GCNT1: variants seen among roughly 807,000 people sequenced by gnomAD.
GCNT1 encodes glucosaminyl (N-acetyl) transferase 1.
In GCNT1, 16 loss-of-function variants were observed where a neutral mutation model predicts 26.2. The observed-to-expected ratio is 0.61, with a 90% CI of 0.41 to 0.93. The LOEUF is 0.93. Ranked by LOEUF, GCNT1 falls within the 40% of genes least tolerant of loss-of-function variation. The probability of loss-of-function intolerance (pLI) is 0.00; values close to 1 mark genes in which losing one functional copy is unlikely to be tolerated. For missense variants in GCNT1, 477 were observed against 526.7 expected (o/e 0.91, Z 0.92); for synonymous variants, 183 against 190.8 (o/e 0.96, Z 0.34).
At chr9:76,491,934 C>A (rs545831321) in intron 2 of GCNT1, among the ~76,000 whole-genome samples, 2 of 152,296 alleles carry the variant, frequency 1.3e-5, no homozygotes, top group African/African-American at 4.8e-5. Context: ...CATGAGTAGT[C>A]CAGACAGTGA....
upstream of GCNT1, among the ~76,000 whole-genome samples, chr9:76,418,844 G>T (rs1168389954): frequency 6.6e-6 from 1 of 152,166 alleles, no homozygotes; most frequent in South Asian, 2.1e-4. Flanking sequence ...AATTCATCCA[G>T]GTGTGGTTAC....
chr9:76,498,790 A>G (rs796976526), intron 2 of GCNT1, among the ~76,000 whole-genome samples: 9,105 of 150,678 alleles, frequency 0.06, 942 homozygotes, highest in African/African-American at 0.21. Context: ...AAAAAAAAAA[A>G]GAAAAAAAGT....
chr9:76,504,530 A>C lies in GCNT1; in HGVS notation c.*862A>C. 2 of 386,418 alleles carry C rather than the reference A, an allele frequency of 5.2e-6. No homozygotes were observed. The highest frequency in any genetic ancestry group is 9.5e-6 in the Non-Finnish European group (2 of 209,498). 23.9% of individuals were successfully genotyped at this position (386,418 alleles called of 1,614,324 possible). ...CCTAAATTATTGTCTCTGCTATCTGACTGCCAGTAATTAGTGCAGAAAACT... is the reference window on the plus strand; with the variant it reads ...CCTAAATTATTGTCTCTGCTATCTGCCTGCCAGTAATTAGTGCAGAAAACT... On this transcript the variant is annotated 3_prime_UTR_variant, in exon 4 of 4. Transcript: ENST00000376730.
chr9:76,480,621 G>GGA (rs1303027871), intron 2 of GCNT1, among the ~76,000 whole-genome samples: 3 of 152,088 alleles, frequency 2.0e-5, no homozygotes, highest in African/African-American at 7.2e-5. Context: ...TGTGCCTTTG[G>GGA]GAGAGAGAGC....
chr9:76,431,485 A>G (rs1302506296), intron 1 of GCNT1, among the ~76,000 whole-genome samples: 1 of 152,136 alleles, frequency 6.6e-6, no homozygotes, highest in Non-Finnish European at 1.5e-5. Flanking sequence ...GAGAACACAG[A>G]GCTTTCTTGC....
At chr9:76,413,997 C>T in the GCNT1 span, among the ~76,000 whole-genome samples, 2,548 of 152,208 alleles carry the variant, frequency 0.017, 69 homozygotes, top group African/African-American at 0.057. Context: ...CTAATAAGCC[C>T]ATCAAAGGCA....
chr9:76,495,835 G>A (rs1824893627), intron 2 of GCNT1, among the ~76,000 whole-genome samples: 1 of 152,106 alleles, frequency 6.6e-6, no homozygotes. Context: ...AAAATATATT[G>A]TGCCTCATTA....
At position 76,505,319 on chromosome 9, in the gene GCNT1, G is replaced by A. The variant is rs1428143134; in HGVS notation, c.*1651G>A. 5.7e-6 allele frequency: 1 copy of A among 175,740 alleles called. No homozygotes were observed. The highest frequency in any genetic ancestry group is 1.3e-5 in the Non-Finnish European group (1 of 74,136). 10.9% of individuals were successfully genotyped at this position (175,740 alleles called of 1,614,324 possible). ...TTTATCATCATTTGTAAATGTGGAA[G>A]TTGGTGGATTGCTGTGTTTTTGCAT... On this transcript the variant is annotated 3_prime_UTR_variant, in exon 4 of 4. Coordinates refer to ENST00000376730, the MANE Select transcript of GCNT1 (RefSeq NM_001490.5).
chr9:76,439,223 CTTTTTTTTTTT>C (rs71499153), upstream of GCNT1, among the ~76,000 whole-genome samples: 3 of 120,128 alleles, frequency 2.5e-5, no homozygotes, highest in Non-Finnish European at 3.5e-5. Flanking sequence ...TTTTCTTTTT[CTTTTTTTTTTT>C]TTTTTTTTTT....
At chr9:76,479,168 C>T (rs1430749001) in intron 2 of GCNT1, among the ~76,000 whole-genome samples, 1 of 152,158 alleles carries the variant, frequency 6.6e-6, no homozygotes, top group Non-Finnish European at 1.5e-5. Flanking sequence ...TCATCCATGT[C>T]CCTACAAAGG....
Position 76,428,292 on chromosome 9 carries a change from T to TAAAAAAAAAAAAAAAA in GCNT1, n.38+8416_38+8417insAAAAAAAAAAAAAAAA, listed in dbSNP as rs1279001629. ...AAAAAAAAAAAAAAAAAAAAAAACT[T>TAAAAAAAAAAAAAAAA]AAAAAAAAAAAGAGAGAGAGAAATG... is the stretch of plus-strand genomic sequence containing the variant. On this transcript the variant is annotated intron_variant and non_coding_transcript_variant, in intron 1 of 3. Transcript: ENST00000488136. Among the ~76,000 whole-genome samples, 221 of 85,876 alleles carry TAAAAAAAAAAAAAAAA rather than the reference T, an allele frequency of 2.6e-3. 10 individuals are homozygous for TAAAAAAAAAAAAAAAA. The highest frequency in any genetic ancestry group is 3.9e-3 in the Non-Finnish European group (153 of 38,782). The allele number at this position is 85,876 out of a possible 152,430, so 56.3% of individuals were successfully genotyped here.
At chr9:76,408,933 C>T in the GCNT1 span, among the ~76,000 whole-genome samples, 29 of 152,240 alleles carry the variant, frequency 1.9e-4, no homozygotes, top group African/African-American at 7.0e-4. Context: ...AAGTGATCCA[C>T]GCACCTCAGC....
upstream of GCNT1, among the ~76,000 whole-genome samples, chr9:76,454,564 AT>A (rs975240121): frequency 2.7e-5 from 4 of 149,898 alleles, no homozygotes; most frequent in Non-Finnish European, 5.9e-5. Flanking sequence ...CCCAAATCTC[AT>A]CTTGAATTGT....
At chr9:76,439,605 C>T (rs1475237203), upstream of GCNT1, among the ~76,000 whole-genome samples, 1 of 152,054 alleles carries the variant, frequency 6.6e-6, no homozygotes, top group Non-Finnish European at 1.5e-5. Context: ...GGAGGTAAAT[C>T]AGTTGTTGGT....
chr9:76,503,477 G>T lies in GCNT1; in HGVS notation c.1096G>T (p.Gly366Cys). 6.2e-7 allele frequency: 1 copy of T among 1,614,094 alleles called. No homozygotes were observed. The highest frequency in any genetic ancestry group is 8.5e-7 in the Non-Finnish European group (1 of 1,180,010). Residue 366 changes from glycine to cysteine, a missense_variant, in exon 4 of 4, where the codon GGT (glycine) becomes TGT (cysteine). Transcript: ENST00000376730. ...GTACTTTGAGGGTGATGTTTCCAAGGGTGCTCCCTACCCGCCCTGCGATGG... is the reference window on the plus strand; with the variant it reads ...GTACTTTGAGGGTGATGTTTCCAAGTGTGCTCCCTACCCGCCCTGCGATGG... ...WQYFEGDVSK[G>C]APYPPCDGVH... is the part of the protein sequence containing the mutation.
At chr9:76,467,674 C>T (rs1295328355) in intron 2 of GCNT1, among the ~76,000 whole-genome samples, 1 of 152,076 alleles carries the variant, frequency 6.6e-6, no homozygotes, top group Non-Finnish European at 1.5e-5. Context: ...TGTTGAGCTC[C>T]AGCCCCTGCT....
intron 2 of GCNT1, among the ~76,000 whole-genome samples, chr9:76,480,433 A>T (rs1824391837): frequency 6.6e-6 from 1 of 152,196 alleles, no homozygotes; most frequent in Non-Finnish European, 1.5e-5. Flanking sequence ...TTGAATCTAT[A>T]AATTACCTTG....
the GCNT1 span, among the ~76,000 whole-genome samples, chr9:76,395,154 C>T: frequency 6.6e-6 from 1 of 152,168 alleles, no homozygotes; most frequent in African/African-American, 2.4e-5. Flanking sequence ...CCTTCGTACC[C>T]TCGGAACTGT....
chr9:76,413,653 G>GTTTTGTTTTTTTTTTTT, the GCNT1 span, among the ~76,000 whole-genome samples: 1 of 118,664 alleles, frequency 8.4e-6, no homozygotes, highest in Non-Finnish European at 1.8e-5. Context: ...GTTTTGTTTT[G>GTTTTGTTTTTTTTTTTT]TTTTTTTTTT....
Sources: allele counts gnomAD v4.1 joint callset (sites outside exome capture counted in the v4.1 genomes callset), GRCh38; gene constraint gnomAD v4.1.1; transcripts MANE v1.5; gene names NCBI Gene and HGNC (gene_info 2026-07-23, HGNC 2026-07-21).